The following ANKS1B variants were observed in gnomAD, a reference collection of about 807,000 sequenced individuals.
The protein encoded by ANKS1B is ankyrin repeat and sterile alpha motif domain-containing protein 1B.
In ANKS1B, 36 loss-of-function variants were observed where a neutral mutation model predicts 148.3. That is an observed-to-expected ratio of 0.24 (90% CI 0.19 to 0.32). ANKS1B has a LOEUF of 0.32. Among genes scored for constraint, ANKS1B ranks in the 10% least tolerant of loss-of-function variants. ANKS1B has a pLI of 1.00. For missense variants in ANKS1B, 1,157 were observed against 1,542.6 expected (o/e 0.75, Z 4.19); for synonymous variants, 542 against 560.8 (o/e 0.97, Z 0.47).
intron 8 of ANKS1B, among the ~76,000 whole-genome samples, chr12:99,734,242 C>T (rs777467500): frequency 2.0e-5 from 3 of 152,086 alleles, no homozygotes; most frequent in Admixed American, 6.6e-5. Context: ...CCTTCCCATA[C>T]CTTGTTCTAC....
intron 9 of ANKS1B, among the ~76,000 whole-genome samples, chr12:99,571,606 G>A (rs141248703): frequency 2.7e-4 from 41 of 152,132 alleles, no homozygotes; most frequent in Non-Finnish European, 4.6e-4. Flanking sequence ...AGATCTTTCC[G>A]AATGTTAAGG....
At chr12:98,844,828 C>T (rs2099438912) in intron 17 of ANKS1B, among the ~76,000 whole-genome samples, 1 of 152,068 alleles carries the variant, frequency 6.6e-6, no homozygotes, top group Non-Finnish European at 1.5e-5. Context: ...AAGAAGAATA[C>T]TTATCAGATT....
In ANKS1B at chr12:98,933,379, C is replaced by T. The variant is rs150442962; in HGVS notation, c.2779-101243G>A. Among the ~76,000 whole-genome samples, 5 of 152,208 alleles carry T rather than the reference C, an allele frequency of 3.3e-5. No homozygotes were observed. In the East Asian group the frequency reaches 9.6e-4, roughly 29 times the overall value. ...TATGCAACTGTGTATGCATACACCA[C>T]ATTTTCTTTATCCATTTGTTGATGG... On this transcript the variant is annotated intron_variant, in intron 17 of 26. Coordinates refer to ENST00000683438, the MANE Select transcript of ANKS1B (RefSeq NM_001352186.2).
At chr12:99,065,634 CCATCCCAT>C (rs5742381) in intron 16 of ANKS1B, among the ~76,000 whole-genome samples, 66,298 of 131,288 alleles carry the variant, frequency 0.5, 16,370 homozygotes, top group Admixed American at 0.61. Flanking sequence ...ATCCATCCAT[CCATCCCAT>C]CCATCCATCC....
intron 1 of ANKS1B, among the ~76,000 whole-genome samples, chr12:99,949,412 T>G (rs1245809772): frequency 1.3e-5 from 2 of 152,126 alleles, no homozygotes; most frequent in Non-Finnish European, 2.9e-5. Flanking sequence ...ATTTGGAGAA[T>G]GGTGAGTAGA....
intron 12 of ANKS1B, among the ~76,000 whole-genome samples, chr12:99,304,315 G>A (rs534324739): frequency 6.6e-6 from 1 of 152,254 alleles, no homozygotes; most frequent in African/African-American, 2.4e-5. Context: ...CATTCTTGCA[G>A]GAGACTGTTT....
chr12:99,835,965 A>C (rs2084791739), intron 1 of ANKS1B, among the ~76,000 whole-genome samples: 1 of 152,218 alleles, frequency 6.6e-6, no homozygotes, highest in Non-Finnish European at 1.5e-5. Context: ...AATAAATAAT[A>C]AAAAAGTATT....
Position 98,744,989 on chromosome 12 carries a change from C to T in ANKS1B, c.*750G>A, listed in dbSNP as rs1275627271. 9 of 985,668 alleles carry T rather than the reference C, an allele frequency of 9.1e-6. No homozygotes were observed. Among genetic ancestry groups the T allele is most frequent in the African/African-American group, 3.5e-5 (2 of 57,216 alleles). 61.1% of individuals were successfully genotyped at this position (985,668 alleles called of 1,614,324 possible). On this transcript the variant is annotated 3_prime_UTR_variant, in exon 27 of 27. Transcript: ENST00000683438. ...TTGAAATGAAACCAGAAACATCCCT[C>T]GCAACTAACCTAGTTTTCTTATCAA... is the stretch of plus-strand genomic sequence containing the variant.
intron 8 of ANKS1B, among the ~76,000 whole-genome samples, chr12:99,714,109 C>T (rs561670922): frequency 6.6e-6 from 1 of 152,258 alleles, no homozygotes; most frequent in Admixed American, 6.5e-5. Context: ...AGGATCCATT[C>T]CTTGCCTTTC....
At chr12:98,965,585 A>AAT (rs1243495402) in intron 17 of ANKS1B, among the ~76,000 whole-genome samples, 1 of 151,976 alleles carries the variant, frequency 6.6e-6, no homozygotes, top group African/African-American at 2.4e-5. Flanking sequence ...TATTTATCTT[A>AAT]ATAAGACAAT....
At position 99,346,053 on chromosome 12, in the gene ANKS1B, T is replaced by TC. The variant is rs78199095; in HGVS notation, c.1756+53577dup. On this transcript the variant is annotated intron_variant, in intron 12 of 26. Transcript: ENST00000683438. ...TACTTAATTTGGAGAACATTTTTTTTCCTACTAATTTCGATGCCACATGCT... is the reference window on the plus strand; with the variant it reads ...TACTTAATTTGGAGAACATTTTTTTTCCCTACTAATTTCGATGCCACATGCT... Among the ~76,000 whole-genome samples the TC allele has an allele frequency of 3.5e-3, 526 of 152,150 alleles. 33 individuals carry two copies. The East Asian group carries it at 0.083, about 24-fold the overall frequency.
chr12:98,843,579 C>A (rs779097955), intron 17 of ANKS1B, among the ~76,000 whole-genome samples: 1 of 151,356 alleles, frequency 6.6e-6, no homozygotes, highest in African/African-American at 2.4e-5. Context: ...CAGACTAGGA[C>A]AAACAAAGCG....
intron 11 of ANKS1B, among the ~76,000 whole-genome samples, chr12:99,420,876 C>T (rs2095059889): frequency 1.3e-5 from 2 of 152,136 alleles, no homozygotes; most frequent in Non-Finnish European, 2.9e-5. Context: ...TTGGTATCCT[C>T]AATTAAAAAG....
rs368684069 is a variant in ANKS1B, at chr12:98,829,351, T to A, written c.2889A>T (p.Glu963Asp). The A allele has an allele frequency of 1.7e-5, 27 of 1,612,778 alleles. No individual in the cohort carries two copies. The African/African-American group carries it at 3.5e-4, about 21-fold the overall frequency. ...GAGGAGGAGTGTGATTACCACTGGG[T>A]TCCTGAATGGAAATACATCATGAAA... is the stretch of plus-strand genomic sequence containing the variant. ...QKPPRSITLR[E>D]PSGNHTPPQL... The change falls in exon 19 of 27, where the codon GAA (glutamate) becomes GAT (aspartate). Residue 963 changes from glutamate to aspartate, a missense_variant and splice_region_variant. By Grantham distance (45) the Glu-to-Asp change is conservative. Transcript: ENST00000683438. This position sits in a 1 kb window ranked among gnomAD's most constrained non-coding sequence, Gnocchi z 5.2.
chr12:98,808,519 G>T (rs2099068523), intron 19 of ANKS1B, among the ~76,000 whole-genome samples: 1 of 152,100 alleles, frequency 6.6e-6, no homozygotes, highest in Non-Finnish European at 1.5e-5. Flanking sequence ...AAGGAGGCTG[G>T]GGCAGGGAAG....
intron 12 of ANKS1B, among the ~76,000 whole-genome samples, chr12:99,385,962 A>G (rs2093842215): frequency 6.6e-6 from 1 of 152,238 alleles, no homozygotes; most frequent in South Asian, 2.1e-4. Context: ...TTTAGTTAAT[A>G]GTGCTTCCTT....
At chr12:99,467,526 A>T (rs1466712599) in intron 10 of ANKS1B, among the ~76,000 whole-genome samples, 3 of 152,226 alleles carry the variant, frequency 2.0e-5, no homozygotes, top group Non-Finnish European at 2.9e-5. Flanking sequence ...ACATGATTGT[A>T]TATCTAGAAA....
chr12:99,321,199 CTG>C (rs1424802763), intron 12 of ANKS1B, among the ~76,000 whole-genome samples: 4 of 152,338 alleles, frequency 2.6e-5, no homozygotes, highest in Admixed American at 6.5e-5. Context: ...ATTTCAAACT[CTG>C]TGCTGGGAGA....
At chr12:99,754,329 C>T (rs1299867408) in intron 8 of ANKS1B, among the ~76,000 whole-genome samples, 1 of 152,058 alleles carries the variant, frequency 6.6e-6, no homozygotes, top group Non-Finnish European at 1.5e-5. Context: ...TATATGCACC[C>T]AACACAGGAG....
Sources: gnomAD v4.1 joint callset for allele counts (sites outside exome capture counted in the v4.1 genomes callset) on GRCh38, gnomAD v4.1.1 for gene constraint, Gnocchi (gnomAD v3.1) non-coding constraint, MANE v1.5 for transcripts, NCBI Gene and HGNC (gene_info 2026-07-23, HGNC 2026-07-21) for gene names.